TNFSF4: variants seen among roughly 807,000 people sequenced by gnomAD.
TNFSF4 encodes the protein tumor necrosis factor ligand superfamily member 4.
In TNFSF4, 4 loss-of-function variants were observed where a neutral mutation model predicts 7.3. The observed-to-expected ratio is 0.55, with a 90% CI of 0.27 to 1.25. The LOEUF is 1.25. Among genes scored for constraint, TNFSF4 ranks in the 50% most tolerant of loss-of-function variants. The probability of loss-of-function intolerance (pLI) is 0.12; values close to 1 mark genes in which losing one functional copy is unlikely to be tolerated. For missense variants in TNFSF4, 181 were observed against 208.8 expected (o/e 0.87, Z 0.82); for synonymous variants, 76 against 83.7 (o/e 0.91, Z 0.50).
At chr1:173,403,351 G>A in the TNFSF4 span, among the ~76,000 whole-genome samples, 2 of 152,150 alleles carry the variant, frequency 1.3e-5, no homozygotes, top group Non-Finnish European at 1.5e-5. Context: ...GACCATCAAG[G>A]CCCAAACACA....
At chr1:173,173,092 A>G in the TNFSF4 span, among the ~76,000 whole-genome samples, 16,179 of 152,186 alleles carry the variant, frequency 0.11, 1,021 homozygotes, top group Admixed American at 0.16. Flanking sequence ...TACCCCCATG[A>G]TCTAATCACC....
the TNFSF4 span, among the ~76,000 whole-genome samples, chr1:173,245,688 T>C: frequency 6.6e-6 from 1 of 152,164 alleles, no homozygotes; most frequent in African/African-American, 2.4e-5. Flanking sequence ...TCAGAACCTA[T>C]TCCTTCTATC....
chr1:173,337,088 C>T, the TNFSF4 span, among the ~76,000 whole-genome samples: 2 of 152,082 alleles, frequency 1.3e-5, no homozygotes, highest in South Asian at 4.1e-4. Flanking sequence ...TTAAGCAGAT[C>T]CAACCATACT....
chr1:173,417,523 A>T, the TNFSF4 span, among the ~76,000 whole-genome samples: 1 of 145,572 alleles, frequency 6.9e-6, no homozygotes, highest in Non-Finnish European at 1.5e-5. Flanking sequence ...GCCAGCAATG[A>T]GACTCTGAAG....
chr1:173,288,420 A>T, the TNFSF4 span, among the ~76,000 whole-genome samples: 1 of 152,176 alleles, frequency 6.6e-6, no homozygotes, highest in Admixed American at 6.5e-5. Flanking sequence ...TGGGTGACAG[A>T]GCCAGACCCT....
At chr1:173,277,450 C>T in the TNFSF4 span, among the ~76,000 whole-genome samples, 2 of 152,036 alleles carry the variant, frequency 1.3e-5, 1 homozygote, top group Admixed American at 1.3e-4. Flanking sequence ...TCTAGGGTGT[C>T]CTCAGAACTT....
the TNFSF4 span, chr1:173,418,022 C>T: frequency 6.6e-6 from 1 of 151,732 alleles, no homozygotes; most frequent in East Asian, 1.9e-4. Flanking sequence ...AAGAGAAGAG[C>T]CCCTCTTCTG....
intron 1 of TNFSF4, among the ~76,000 whole-genome samples, chr1:173,203,734 G>GA (rs937460183): frequency 9.2e-5 from 14 of 152,092 alleles, no homozygotes; most frequent in African/African-American, 3.1e-4. Flanking sequence ...AGGAATTGCT[G>GA]AAAAAAATCA....
the TNFSF4 span, among the ~76,000 whole-genome samples, chr1:173,398,420 T>C: frequency 6.7e-6 from 1 of 148,764 alleles, no homozygotes; most frequent in Non-Finnish European, 1.5e-5. Flanking sequence ...TTTTTTTTTT[T>C]TTTTTTTTTT....
At chr1:173,370,759 T>C in the TNFSF4 span, among the ~76,000 whole-genome samples, 6 of 151,712 alleles carry the variant, frequency 4.0e-5, no homozygotes, top group Admixed American at 6.6e-5. Context: ...AGGAACAGGC[T>C]GAAAAGGAAA....
At chr1:173,339,461 C>A in the TNFSF4 span, among the ~76,000 whole-genome samples, 3 of 152,046 alleles carry the variant, frequency 2.0e-5, no homozygotes, top group Non-Finnish European at 2.9e-5. Context: ...ATTACAAATA[C>A]CAGCTATGAC....
At chr1:173,424,260 C>G in the TNFSF4 span, among the ~76,000 whole-genome samples, 1 of 152,168 alleles carries the variant, frequency 6.6e-6, no homozygotes, top group Non-Finnish European at 1.5e-5. Context: ...TTAGTCCACA[C>G]GTATTTTGAG....
the TNFSF4 span, among the ~76,000 whole-genome samples, chr1:173,249,073 T>A: frequency 6.6e-6 from 1 of 152,146 alleles, no homozygotes; most frequent in Non-Finnish European, 1.5e-5. Flanking sequence ...GTGGATGATC[T>A]TTTAGGAAGT....
the TNFSF4 span, among the ~76,000 whole-genome samples, chr1:173,176,891 T>G: frequency 1.3e-5 from 2 of 152,168 alleles, no homozygotes; most frequent in Non-Finnish European, 2.9e-5. Context: ...AAATACCACA[T>G]GTTATCACTT....
the TNFSF4 span, among the ~76,000 whole-genome samples, chr1:173,395,075 A>ATAGATAGC: frequency 1.3e-3 from 193 of 150,286 alleles, no homozygotes; most frequent in Non-Finnish European, 2.2e-3. Context: ...AGATAGATAG[A>ATAGATAGC]TAGCTATAAA....
chr1:173,322,773 G>A, the TNFSF4 span, among the ~76,000 whole-genome samples: 4 of 152,028 alleles, frequency 2.6e-5, no homozygotes, highest in Non-Finnish European at 5.9e-5. Context: ...CTACACCCAC[G>A]GAGCCTCGCT....
chr1:173,237,797 AG>A, the TNFSF4 span, among the ~76,000 whole-genome samples: 1 of 152,204 alleles, frequency 6.6e-6, no homozygotes, highest in African/African-American at 2.4e-5. Flanking sequence ...GCTCATTGAT[AG>A]GAAGAATCAA....
chr1:173,232,319 G>C, the TNFSF4 span, among the ~76,000 whole-genome samples: 1 of 152,164 alleles, frequency 6.6e-6, no homozygotes, highest in Non-Finnish European at 1.5e-5. Context: ...CATTGATTTT[G>C]TATCCTGAGA....
chr1:173,378,292 A>G, the TNFSF4 span, among the ~76,000 whole-genome samples: 2 of 150,666 alleles, frequency 1.3e-5, no homozygotes, highest in Admixed American at 6.6e-5. Flanking sequence ...TCCAGGGACC[A>G]TTGCAGGTTC....
Sources: gnomAD v4.1 joint callset for allele counts (sites outside exome capture counted in the v4.1 genomes callset) on GRCh38, gnomAD v4.1.1 for gene constraint, MANE v1.5 for transcripts, NCBI Gene and HGNC (gene_info 2026-07-23, HGNC 2026-07-21) for gene names.